HFM1: variants seen among roughly 807,000 people sequenced by gnomAD.
HFM1 encodes the protein helicase for meiosis 1.
A neutral mutation model predicts 192.1 loss-of-function variants in HFM1; 169 were observed. The ratio of observed to expected loss-of-function variants is 0.88; its 90% CI spans 0.78 to 1.00. The LOEUF (loss-of-function observed/expected upper bound fraction) is 1.00. HFM1 is among the 50% of genes least tolerant of loss of function. The pLI, the probability that HFM1 is intolerant of heterozygous loss-of-function variation, is 0.00. For missense variants in HFM1, 1,661 were observed against 1,668.0 expected (o/e 1.00, Z 0.07); for synonymous variants, 525 against 537.8 (o/e 0.98, Z 0.33).
At chr1:91,291,366 G>T (rs915464116) in intron 30 of HFM1, among the ~76,000 whole-genome samples, 1 of 151,786 alleles carries the variant, frequency 6.6e-6, no homozygotes, top group East Asian at 1.9e-4. Flanking sequence ...ATGATAAAGG[G>T]GATATCACCA....
rs1649895878 is a variant in HFM1 at position 91,308,023 on chromosome 1, T to C, written c.3391+5326A>G. On this transcript the variant is annotated intron_variant, in intron 30 of 38. Transcript: ENST00000370425. ...TTTTGAAGGTAATGCATAAATGATG[T>C]GTCTAATTTTAACATTTTCAGCAGT... Among the ~76,000 whole-genome samples the C allele has an allele frequency of 4.6e-5, 7 of 152,308 alleles. No homozygotes were observed. In the South Asian group the frequency reaches 1.2e-3, roughly 27 times the overall value.
chr1:91,287,330 C>A (rs548827479), intron 30 of HFM1, among the ~76,000 whole-genome samples: 1 of 152,180 alleles, frequency 6.6e-6, no homozygotes, highest in Non-Finnish European at 1.5e-5. Context: ...GGGCAGACTG[C>A]CTCCTCAAGT....
At chr1:91,261,501 T>C (rs921031453) in intron 38 of HFM1, 142 bp from the exon 39 acceptor site, 17 of 404,154 alleles carry the variant, frequency 4.2e-5, no homozygotes, top group Middle Eastern at 6.5e-4. Context: ...AACTTCAGTA[T>C]GCATAACTTT....
intron 30 of HFM1, among the ~76,000 whole-genome samples, chr1:91,295,058 T>G (rs943682042): frequency 6.6e-6 from 1 of 152,202 alleles, no homozygotes; most frequent in African/African-American, 2.4e-5. Context: ...TAAGTCCTTT[T>G]GATGGTTGCA....
intron 6 of HFM1, among the ~76,000 whole-genome samples, chr1:91,382,008 C>T (rs1661603071): frequency 1.3e-5 from 2 of 152,080 alleles, no homozygotes. Context: ...GCATCAGCCC[C>T]TGCCTTTATC....
At chr1:91,337,252 T>C (rs1350773002) in intron 20 of HFM1, among the ~76,000 whole-genome samples, 1 of 152,156 alleles carries the variant, frequency 6.6e-6, no homozygotes, top group African/African-American at 2.4e-5. Flanking sequence ...AATTGGCCTT[T>C]TGAGCCCTTC....
At chr1:91,366,804 C>A (rs975261586) in intron 13 of HFM1, among the ~76,000 whole-genome samples, 10 of 152,304 alleles carry the variant, frequency 6.6e-5, no homozygotes, top group Non-Finnish European at 1.2e-4. Flanking sequence ...TGAAGCAGGG[C>A]GAGGCATCGC....
intron 33 of HFM1, 67 bp from the exon 34 acceptor site, chr1:91,273,882 T>A (rs1213563047): frequency 4.7e-6 from 4 of 847,334 alleles, no homozygotes; most frequent in Non-Finnish European, 7.5e-6. Flanking sequence ...CTGAAAACTA[T>A]TTATTCATAT....
chr1:91,378,409 A>G lies in HFM1; in HGVS notation c.1230T>C (p.Ile410=), dbSNP rs746274590. 6.3e-7 allele frequency: 1 copy of G among 1,596,968 alleles called. No homozygotes were observed. Among genetic ancestry groups the G allele is most frequent in the African/African-American group, 1.3e-5 (1 of 74,660 alleles). ...SLVQLVRLFL[I]DEVHIVKDEN... is the part of the protein sequence containing the mutation. ...AAGCGAATGCATTCATTACCTCATCAATGAGAAACAGTCGAACCAGCTGAA... is the reference window on the plus strand; with the variant it reads ...AAGCGAATGCATTCATTACCTCATCGATGAGAAACAGTCGAACCAGCTGAA... The change falls in exon 10 of 39, where the codon ATT becomes ATC. Residue 410 remains isoleucine (I), a synonymous_variant. Transcript: ENST00000370425.
chr1:91,395,039 T>C (rs916578563), intron 3 of HFM1, among the ~76,000 whole-genome samples: 1 of 151,940 alleles, frequency 6.6e-6, no homozygotes, highest in Non-Finnish European at 1.5e-5. Flanking sequence ...ATATAACATA[T>C]ATGTAAATTA....
intron 11 of HFM1, chr1:91,377,804 C>T (rs1429619267): frequency 9.6e-6 from 5 of 519,398 alleles, no homozygotes; most frequent in South Asian, 7.8e-5. Flanking sequence ...TACTAGCAAA[C>T]GAGATGTCCA....
At chr1:91,286,678 T>G (rs768853977) in intron 30 of HFM1, among the ~76,000 whole-genome samples, 4 of 151,708 alleles carry the variant, frequency 2.6e-5, no homozygotes, top group South Asian at 4.2e-4. Context: ...AATAGGAACA[T>G]CTCCAGTCTA....
chr1:91,399,205 G>A (rs187842389), intron 2 of HFM1, among the ~76,000 whole-genome samples: 10 of 152,178 alleles, frequency 6.6e-5, no homozygotes, highest in African/African-American at 2.2e-4. Flanking sequence ...ATCTCCCTAG[G>A]TTCCCAAAGA....
At chr1:91,277,088 C>G in intron 30 of HFM1, 26 bp from the exon 31 acceptor site, 2 of 1,188,780 alleles carry the variant, frequency 1.7e-6, no homozygotes, top group Non-Finnish European at 1.2e-6. Flanking sequence ...AAAAACAAAT[C>G]CATTTGTCAC....
chr1:91,266,021 T>C lies in HFM1; in HGVS notation c.3970A>G (p.Asn1324Asp), dbSNP rs1355414264. The C allele has an allele frequency of 6.3e-7, 1 of 1,588,238 alleles. No individual in the cohort carries two copies. ...AACCTAAGTTCTAAAACTTGCCTGT[T>C]TGACATTTCTCTTTGGAATTTGCTC... Reference protein sequence around the residue: ...SKSKFQREMSNSFVSSHEMSD... With the variant: ...SKSKFQREMSDSFVSSHEMSD... The change falls in exon 36 of 39, where the codon AAC (asparagine) becomes GAC (aspartate). Residue 1324 changes from asparagine to aspartate, a missense_variant. By Grantham distance (23) the Asn-to-Asp change is conservative. Coordinates refer to ENST00000370425, the MANE Select transcript of HFM1 (RefSeq NM_001017975.6).
In HFM1 at chr1:91,392,773, CA is replaced by C. The variant is rs201286618; in HGVS notation, c.494+1319del. Among the ~76,000 whole-genome samples, 39 of 150,228 alleles carry C rather than the reference CA, an allele frequency of 2.6e-4. 1 individual carries two copies. The highest frequency in any genetic ancestry group is 9.1e-4 in the African/African-American group (37 of 40,856). ...AAAAGAAAAGAAAAATATTCACCTC[CA>C]AAAAAAAATGTTACGTTAAGTGAAA... On this transcript the variant is annotated intron_variant, in intron 4 of 38. Coordinates refer to ENST00000370425, the MANE Select transcript of HFM1 (RefSeq NM_001017975.6).
chr1:91,356,821 T>A (rs764040779), intron 13 of HFM1, among the ~76,000 whole-genome samples: 173 of 151,946 alleles, frequency 1.1e-3, no homozygotes, highest in Middle Eastern at 3.2e-3. Context: ...TTATGAACAA[T>A]TATATATTAA....
chr1:91,359,981 A>C (rs892351743), intron 13 of HFM1, among the ~76,000 whole-genome samples: 1 of 152,206 alleles, frequency 6.6e-6, no homozygotes, highest in African/African-American at 2.4e-5. Flanking sequence ...TTCTTAAAGA[A>C]AAAAATTTCT....
chr1:91,367,303 T>C lies in HFM1; in HGVS notation c.1685+8055A>G, dbSNP rs1335779386. ...GCTTGAGATCTGAGAACGGACAGAC[T>C]ACCTCCACAAGTGGGTCCCTGACCC... On this transcript the variant is annotated intron_variant, in intron 13 of 38. Coordinates refer to ENST00000370425, the MANE Select transcript of HFM1 (RefSeq NM_001017975.6). Among the ~76,000 whole-genome samples, 3 of 152,174 alleles carry C rather than the reference T, an allele frequency of 2.0e-5. No individual in the cohort carries two copies. The East Asian group carries it at 5.8e-4, about 29-fold the overall frequency.
Sources: gnomAD v4.1 joint callset for allele counts (sites outside exome capture counted in the v4.1 genomes callset) on GRCh38, gnomAD v4.1.1 for gene constraint, MANE v1.5 for transcripts, NCBI Gene and HGNC (gene_info 2026-07-23, HGNC 2026-07-21) for gene names.